The following RNF145 variants were observed in gnomAD, a reference collection of about 807,000 sequenced individuals.
The protein encoded by RNF145 is ring finger protein 145.
A neutral mutation model predicts 57.3 loss-of-function variants in RNF145; 12 were observed. The ratio of observed to expected loss-of-function variants is 0.21; its 90% CI spans 0.13 to 0.34. RNF145 has a LOEUF of 0.34. Among genes scored for constraint, RNF145 ranks in the 10% least tolerant of loss-of-function variants. The pLI is 1.00. For synonymous variants in RNF145, 262 were observed against 288.3 expected (o/e 0.91, Z 0.92); for missense variants, 429 against 799.0 (o/e 0.54, Z 5.58).
At chr5:159,160,864 C>A (rs1293457233) in intron 10 of RNF145, among the ~76,000 whole-genome samples, 2 of 152,108 alleles carry the variant, frequency 1.3e-5, no homozygotes, top group East Asian at 3.9e-4. Flanking sequence ...ATGAATATTT[C>A]TTCCCCACTC....
At chr5:159,167,478 T>C (rs1015104940) in intron 8 of RNF145, among the ~76,000 whole-genome samples, 4 of 152,250 alleles carry the variant, frequency 2.6e-5, no homozygotes, top group Non-Finnish European at 2.9e-5. Context: ...CTGATTCTTA[T>C]ACTAGTGGAA....
In RNF145 at chr5:159,176,801, G is replaced by A. The variant is rs1473699278; in HGVS notation, c.452C>T (p.Ala151Val). 4 of 1,612,582 alleles carry A rather than the reference G, an allele frequency of 2.5e-6. No individual in the cohort carries two copies. In the South Asian group the frequency reaches 4.4e-5, roughly 18 times the overall value. ...MKTKQIWLFS[A>V]HMLPLLARLC... ...TCGTGCTAGCAGAGGAAGCATGTGA[G>A]CTGAAAACAGCCAAATCTGCTTTGT... The change falls in exon 5 of 11, where the codon GCT becomes GTT. Residue 151 changes from alanine to valine, a missense_variant. By Grantham distance (64) the Ala-to-Val change is moderately conservative. Around this residue, in one of 4 missense-constraint regions of RNF145, gnomAD observed 109 missense variants for 207.2 expected, o/e 0.53. Coordinates refer to ENST00000424310, the MANE Select transcript of RNF145 (RefSeq NM_001199383.2).
chr5:159,209,889 C>G, upstream of RNF145: 1 of 1,536,004 alleles, frequency 6.5e-7, no homozygotes, highest in South Asian at 1.2e-5. Context: ...AAGGGCTGAT[C>G]CTGTCCCGGT....
At chr5:159,181,009 C>T (rs1198474810) in intron 4 of RNF145, among the ~76,000 whole-genome samples, 1 of 151,844 alleles carries the variant, frequency 6.6e-6, no homozygotes, top group African/African-American at 2.4e-5. Flanking sequence ...GACGGATGCA[C>T]CAAAATATCA....
chr5:159,203,025 A>G (rs1026471476), intron 2 of RNF145, among the ~76,000 whole-genome samples: 2 of 152,028 alleles, frequency 1.3e-5, no homozygotes, highest in Admixed American at 6.5e-5. Flanking sequence ...TCTTCAGCTG[A>G]TGTTAATGTT....
Position 159,168,923 on chromosome 5 carries a change from C to A in RNF145, c.1071G>T (p.Met357Ile), listed in dbSNP as rs1784465067. 6.3e-7 allele frequency: 1 copy of A among 1,595,000 alleles called. No homozygotes were observed. Among genetic ancestry groups the A allele is most frequent in the Non-Finnish European group, 8.5e-7 (1 of 1,173,970 alleles). Residue 357 changes from methionine to isoleucine, a missense_variant, in exon 8 of 11, where the codon ATG becomes ATT. Physicochemically the swap from Met to Ile is conservative, Grantham distance 10. Around this residue, in one of 4 missense-constraint regions of RNF145, gnomAD observed 216 missense variants for 457.6 expected, o/e 0.47. Transcript: ENST00000424310. ...AAACAATAGGATCTGCAATTTCTAA[C>A]ATAGACTGTAGGATAGAAGCTACGA... ...FIVVASILQS[M>I]LEIADPIVLA...
rs1418232058 is a variant in RNF145, at chr5:159,169,458, C to A, written c.938+221G>T. 3.3e-5 allele frequency among the ~76,000 whole-genome samples: 5 copies of A among 152,206 alleles called. No homozygotes were observed. The East Asian group carries it at 5.8e-4, about 18-fold the overall frequency. ...TAAAGAAATCTAGGGAAGGAAGGTG[C>A]CCAATATTCATCATAATGTATTAAT... On this transcript the variant is annotated intron_variant, in intron 7 of 10. Coordinates refer to ENST00000424310, the MANE Select transcript of RNF145 (RefSeq NM_001199383.2).
At chr5:159,162,876 G>A in intron 9 of RNF145, 56 bp downstream of exon 9, 1 of 1,421,426 alleles carries the variant, frequency 7.0e-7, no homozygotes, top group East Asian at 2.3e-5. Context: ...TTCCTCCTCT[G>A]GGAGGAAAAA....
chr5:159,184,475 G>A (rs907297921), intron 3 of RNF145, among the ~76,000 whole-genome samples: 5 of 152,174 alleles, frequency 3.3e-5, no homozygotes, highest in Middle Eastern at 3.2e-3. Flanking sequence ...ACAGGGAGGG[G>A]AGATAAATAC....
chr5:159,194,023 T>A (rs1785371655), intron 3 of RNF145, among the ~76,000 whole-genome samples: 1 of 152,242 alleles, frequency 6.6e-6, no homozygotes. Flanking sequence ...AAAGCTCATA[T>A]TCATTGGCAG....
intron 4 of RNF145, among the ~76,000 whole-genome samples, chr5:159,178,121 C>T (rs1784775131): frequency 1.3e-5 from 2 of 151,810 alleles, no homozygotes; most frequent in South Asian, 4.1e-4. Flanking sequence ...AGTGCCATGG[C>T]TTATTACATG....
intron 6 of RNF145, among the ~76,000 whole-genome samples, chr5:159,171,020 T>A (rs1584671970): frequency 6.6e-6 from 1 of 152,112 alleles, no homozygotes; most frequent in African/African-American, 2.4e-5. Flanking sequence ...TAGTTATCTT[T>A]CCTACACAAT....
At chr5:159,198,359 A>C (rs1584706902) in intron 2 of RNF145, among the ~76,000 whole-genome samples, 1 of 152,242 alleles carries the variant, frequency 6.6e-6, no homozygotes, top group East Asian at 1.9e-4. Context: ...GCTTAAAACA[A>C]CACTGATGAA....
intron 4 of RNF145, 140 bp from the exon 5 acceptor site, chr5:159,177,007 T>C: frequency 1.7e-6 from 1 of 585,420 alleles, no homozygotes; most frequent in Non-Finnish European, 3.1e-6. Context: ...ATATTTTAAA[T>C]CAAACTTAAA....
In RNF145 at chr5:159,208,729, A is replaced by G. The variant is rs576339725; in HGVS notation, c.-40+502T>C. Among the ~76,000 whole-genome samples the G allele has an allele frequency of 3.3e-5, 5 of 151,976 alleles. No individual in the cohort carries two copies. The South Asian group carries it at 1.0e-3, about 32-fold the overall frequency. Reference sequence around the variant, plus strand: ...GGGAGCTTGGAAGCAAAGTGAACAAAGAGGCAAAAGAGGCAAAGTTGGAAA... The same window carrying G: ...GGGAGCTTGGAAGCAAAGTGAACAAGGAGGCAAAAGAGGCAAAGTTGGAAA... On this transcript the variant is annotated intron_variant, in intron 1 of 10. Transcript: ENST00000424310.
intron 3 of RNF145, among the ~76,000 whole-genome samples, chr5:159,184,627 T>C (rs1785001081): frequency 6.6e-6 from 1 of 152,214 alleles, no homozygotes; most frequent in South Asian, 2.1e-4. Flanking sequence ...CATCTTTTAT[T>C]CTCTATTTCT....
chr5:159,172,818 G>C (rs1197138388), intron 6 of RNF145, among the ~76,000 whole-genome samples: 1 of 152,156 alleles, frequency 6.6e-6, no homozygotes, highest in Non-Finnish European at 1.5e-5. Flanking sequence ...TTAGTACACA[G>C]TCTTCCATCA....
At chr5:159,162,791 T>A (rs1784273765) in intron 9 of RNF145, 141 bp downstream of exon 9, 1 of 627,840 alleles carries the variant, frequency 1.6e-6, no homozygotes, top group African/African-American at 1.9e-5. Flanking sequence ...ATAAATGTAA[T>A]GTGTTCTAGT....
intron 5 of RNF145, among the ~76,000 whole-genome samples, chr5:159,175,447 T>C (rs1784690149): frequency 6.6e-6 from 1 of 152,136 alleles, no homozygotes; most frequent in Non-Finnish European, 1.5e-5. Context: ...AAATGAAGGC[T>C]GAGGTTATTC....
Sources: allele counts gnomAD v4.1 joint callset (sites outside exome capture counted in the v4.1 genomes callset), GRCh38; gene constraint gnomAD v4.1.1; regional missense constraint gnomAD v4.1.1; transcripts MANE v1.5; gene names NCBI Gene and HGNC (gene_info 2026-07-23, HGNC 2026-07-21).